Variants in GDF1 observed in about 807,000 individuals in gnomAD.
GDF1 encodes the protein growth differentiation factor 1.
Under a neutral mutation model 7.4 loss-of-function variants are expected in GDF1, and 8 were observed. The observed-to-expected ratio is 1.09, with a 90% CI of 0.64 to 1.96. The LOEUF (loss-of-function observed/expected upper bound fraction) is 1.96. Ranked by LOEUF, GDF1 falls within the 30% of genes most tolerant of loss-of-function variation. The pLI, the probability that GDF1 is intolerant of heterozygous loss-of-function variation, is 0.00. For synonymous variants in GDF1, 311 were observed against 276.7 expected (o/e 1.12, Z -1.23); for missense variants, 574 against 551.5 (o/e 1.04, Z -0.41).
rs776613896 is a variant in GDF1, at chr19:18,870,086, G to T, written c.222C>A (p.Thr74=). 1.9e-6 allele frequency: 3 copies of T among 1,578,322 alleles called. No individual in the cohort carries two copies. Among genetic ancestry groups the T allele is most frequent in the Non-Finnish European group, 2.6e-6 (3 of 1,166,874 alleles). Reference sequence around the variant, plus strand: ...GGGACGTCCGCCGCGAGCCAGACCTGGTCTCCTGGGGGTCCCGGCGTCGAA... The same window carrying T: ...GGGACGTCCGCCGCGAGCCAGACCTTGTCTCCTGGGGGTCCCGGCGTCGAA... ...RLFRRRDPQE[T]RSGSRRTSPG... Residue 74 remains threonine, a synonymous_variant, in exon 7 of 8, where the codon ACC becomes ACA. Transcript: ENST00000247005. The surrounding 1 kb of genome is among the most constrained non-coding windows in gnomAD (Gnocchi z 5.1).
At position 18,878,699 on chromosome 19, in the gene GDF1, G is replaced by T; in HGVS notation, c.-313+231C>A. ...CCCTACCGCTGAGACCCTGCCTGTC[G>T]CCCTGCCTGCCCCTCCCCAGCCTCT... is the stretch of plus-strand genomic sequence containing the variant. On this transcript the variant is annotated intron_variant, in intron 6 of 7. Transcript: ENST00000247005. The surrounding 1 kb of genome is among the most constrained non-coding windows in gnomAD (Gnocchi z 4.6). The T allele has an allele frequency of 1.5e-6, 2 of 1,358,394 alleles. No homozygotes were observed. Among genetic ancestry groups the T allele is most frequent in the Non-Finnish European group, 1.9e-6 (2 of 1,051,520 alleles). 84.1% of individuals were successfully genotyped at this position (1,358,394 alleles called of 1,614,324 possible).
chr19:18,876,536 TTGTGTG>T (rs60266196), intron 6 of GDF1, among the ~76,000 whole-genome samples: 6 of 143,180 alleles, frequency 4.2e-5, no homozygotes, highest in African/African-American at 7.8e-5. Flanking sequence ...TTTGATTGGG[TTGTGTG>T]TGTGTGTGTG....
chr19:18,894,019 A>C (rs2056563202), intron 1 of GDF1, among the ~76,000 whole-genome samples: 2 of 149,958 alleles, frequency 1.3e-5, no homozygotes, highest in Admixed American at 1.3e-4. Flanking sequence ...CTTGTGAGGA[A>C]GCCGCCCCCT....
intron 7 of GDF1, 102 bp from the exon 8 acceptor site, chr19:18,869,492 C>A: frequency 7.2e-7 from 1 of 1,393,828 alleles, no homozygotes; most frequent in Admixed American, 2.5e-5. Context: ...GGGCTCGGGG[C>A]GCACCGTCTG....
intron 4 of GDF1, 137 bp from the exon 5 acceptor site, chr19:18,879,525 G>A: frequency 1.9e-6 from 2 of 1,063,898 alleles, no homozygotes. Flanking sequence ...TTCTACTACT[G>A]CTCTGTCCTT....
chr19:18,878,523 T>G lies in GDF1; in HGVS notation c.-313+407A>C. On this transcript the variant is annotated intron_variant, in intron 6 of 7. Transcript: ENST00000247005. The surrounding 1 kb of genome is among the most constrained non-coding windows in gnomAD (Gnocchi z 4.6). ...TGGGTTCTCTCTGTGGCCCTTGGCG[T>G]TCCTTCCTCCCCAGCCCCACTGCCA... 3.0e-6 allele frequency: 3 copies of G among 1,013,722 alleles called. No homozygotes were observed. Among genetic ancestry groups the G allele is most frequent in the South Asian group, 3.9e-5 (1 of 25,432 alleles). 62.8% of individuals were successfully genotyped at this position (1,013,722 alleles called of 1,614,324 possible). A position where few individuals can be genotyped will look rare whatever the true frequency, so the allele number is the denominator to read the frequency against.
chr19:18,882,490 G>A (rs983047770), intron 3 of GDF1, among the ~76,000 whole-genome samples: 2 of 151,328 alleles, frequency 1.3e-5, no homozygotes, highest in South Asian at 2.1e-4. Context: ...ATAATTAGCC[G>A]GTGTGATGTC....
At position 18,878,830 on chromosome 19, in the gene GDF1, G is replaced by A. The variant is rs1263058637; in HGVS notation, c.-313+100C>T. On this transcript the variant is annotated intron_variant, in intron 6 of 7. Transcript: ENST00000247005. The surrounding 1 kb of genome is among the most constrained non-coding windows in gnomAD (Gnocchi z 4.6). ...AGGCTTGGGGGGCAGCATCCGCGTC[G>A]GCCTCATCTGCTGCTGGGTCTTGGG... 6 of 1,524,946 alleles carry A rather than the reference G, an allele frequency of 3.9e-6. No individual in the cohort carries two copies. The highest frequency in any genetic ancestry group is 4.4e-6 in the Non-Finnish European group (5 of 1,137,058). 94.5% of individuals were successfully genotyped at this position (1,524,946 alleles called of 1,614,324 possible). A position where few individuals can be genotyped will look rare whatever the true frequency, so the allele number is the denominator to read the frequency against.
intron 3 of GDF1, chr19:18,881,689 A>ATG (rs1451559612): frequency 6.6e-6 from 1 of 152,326 alleles, no homozygotes; most frequent in Non-Finnish European, 1.5e-5. Flanking sequence ...CTCCTGCCAC[A>ATG]GGTCCTTTGC....
Position 18,878,082 on chromosome 19 carries a change from T to C in GDF1, c.-313+848A>G. On this transcript the variant is annotated intron_variant, in intron 6 of 7. Transcript: ENST00000247005. The surrounding 1 kb of genome is among the most constrained non-coding windows in gnomAD (Gnocchi z 4.6). The stretch of plus-strand genomic sequence containing the variant: ...CCCGTTCCAAAAAACGTCACGGAGC[T>C]CTGAGCCACTGCTTCCCTGAAACCA... The C allele has an allele frequency of 1.0e-6, 1 of 985,500 alleles. No individual in the cohort carries two copies. Among genetic ancestry groups the C allele is most frequent in the Non-Finnish European group, 1.2e-6 (1 of 829,990 alleles). The allele number at this position is 985,500 out of a possible 1,614,324, so 61.0% of individuals were successfully genotyped here.
Position 18,878,915 on chromosome 19 carries a change from C to T in GDF1, c.-313+15G>A, listed in dbSNP as rs367780894. Reference sequence around the variant, plus strand: ...TAAAGGAGGGAACGCGGGGTGCGGGCCCCTCCACACTCACTCGGCTTTGCT... The same window carrying T: ...TAAAGGAGGGAACGCGGGGTGCGGGTCCCTCCACACTCACTCGGCTTTGCT... On this transcript the variant is annotated intron_variant, in intron 6 of 7. Transcript: ENST00000247005. This position sits in a 1 kb window ranked among gnomAD's most constrained non-coding sequence, Gnocchi z 4.6. 9 of 1,612,736 alleles carry T rather than the reference C, an allele frequency of 5.6e-6. No homozygotes were observed. The African/African-American group carries it at 1.2e-4, about 22-fold the overall frequency.
chr19:18,890,672 T>G (rs1227885512), intron 2 of GDF1, among the ~76,000 whole-genome samples: 1 of 150,698 alleles, frequency 6.6e-6, no homozygotes, highest in Non-Finnish European at 1.5e-5. Context: ...TCCCAGCTAC[T>G]CAGAAGGCTG....
At chr19:18,893,320 TC>T in intron 2 of GDF1, 95 bp downstream of exon 2, 1 of 1,379,786 alleles carries the variant, frequency 7.2e-7, no homozygotes, top group South Asian at 1.4e-5. Flanking sequence ...GCTCCAGTGA[TC>T]CTCCTGCTTC....
intron 4 of GDF1, 60 bp from the exon 5 acceptor site, chr19:18,879,448 T>C: frequency 6.5e-7 from 1 of 1,534,790 alleles, no homozygotes. Context: ...ACCCAGTCCC[T>C]GTCCTATCCC....
In GDF1 at chr19:18,869,144, C is replaced by G. The variant is rs1194443998; in HGVS notation, c.572G>C (p.Gly191Ala). The G allele has an allele frequency of 2.2e-5, 25 of 1,116,056 alleles. No individual in the cohort carries two copies. Among genetic ancestry groups the G allele is most frequent in the South Asian group, 3.2e-5 (1 of 30,796 alleles). 69.1% of individuals were successfully genotyped at this position (1,116,056 alleles called of 1,614,324 possible). A position where few individuals can be genotyped will look rare whatever the true frequency, so the allele number is the denominator to read the frequency against. ...CAGCAGCTCCGCGCGCACTGGCGGC[C>G]CCAGGGCGGGCACCAACTGGCGGAG... ...VLLRQLVPAL[G>A]PPVRAELLGA... Residue 191 changes from glycine (G) to alanine (A), a missense_variant, in exon 8 of 8, where the codon GGG becomes GCG. Physicochemically the swap from Gly to Ala is moderately conservative, Grantham distance 60 (BLOSUM62 0). Coordinates refer to ENST00000247005, the MANE Select transcript of GDF1 (RefSeq NM_001492.6).
intron 2 of GDF1, among the ~76,000 whole-genome samples, chr19:18,885,975 C>T (rs1344851090): frequency 6.6e-6 from 1 of 152,180 alleles, no homozygotes; most frequent in Non-Finnish European, 1.5e-5. Context: ...GGTCCTGCCT[C>T]ACCTTCCCCT....
intron 2 of GDF1, among the ~76,000 whole-genome samples, chr19:18,891,182 G>A (rs1402627167): frequency 6.6e-6 from 1 of 152,008 alleles, no homozygotes; most frequent in Non-Finnish European, 1.5e-5. Flanking sequence ...AAGGAAAACT[G>A]AGCAACAGCT....
rs959387501 is a variant in GDF1, at chr19:18,880,107, C to A, written c.-571+167G>T. On this transcript the variant is annotated intron_variant, in intron 4 of 7. Coordinates refer to ENST00000247005, the MANE Select transcript of GDF1 (RefSeq NM_001492.6). Reference sequence around the variant, plus strand: ...CTTGTCCTACTCCTTTCCTGTATAGCCCCGCCCCTTCAGTCCCACCCAAAT... The same window carrying A: ...CTTGTCCTACTCCTTTCCTGTATAGACCCGCCCCTTCAGTCCCACCCAAAT... Among the ~76,000 whole-genome samples, 3 of 151,400 alleles carry A rather than the reference C, an allele frequency of 2.0e-5. No homozygotes were observed. The South Asian group carries it at 6.3e-4, about 32-fold the overall frequency.
At chr19:18,892,788 C>T (rs2056524081) in intron 2 of GDF1, among the ~76,000 whole-genome samples, 1 of 152,146 alleles carries the variant, frequency 6.6e-6, no homozygotes, top group Non-Finnish European at 1.5e-5. Flanking sequence ...AGGATGTCTT[C>T]CCTGAGCTCC....
Sources: allele counts gnomAD v4.1 joint callset (sites outside exome capture counted in the v4.1 genomes callset), GRCh38; gene constraint gnomAD v4.1.1; non-coding constraint Gnocchi (gnomAD v3.1); transcripts MANE v1.5; gene names NCBI Gene and HGNC (gene_info 2026-07-23, HGNC 2026-07-21).